The following SPTBN1 variants were observed in gnomAD, a reference collection of about 807,000 sequenced individuals.
The protein encoded by SPTBN1 is spectrin beta chain, non-erythrocytic 1.
In SPTBN1, 32 loss-of-function variants were observed where a neutral mutation model predicts 266.4. The ratio of observed to expected loss-of-function variants is 0.12; its 90% confidence interval spans 0.09 to 0.16. The LOEUF is 0.16. SPTBN1 is among the 10% of genes least tolerant of loss of function. SPTBN1 has a pLI of 1.00. For synonymous variants in SPTBN1, 1,336 were observed against 1,162.2 expected (o/e 1.15, Z -3.04); for missense variants, 2,296 against 3,067.1 (o/e 0.75, Z 5.94).
chr2:54,579,962 G>C (rs994161709), intron 2 of SPTBN1, among the ~76,000 whole-genome samples: 1 of 152,200 alleles, frequency 6.6e-6, no homozygotes, highest in African/African-American at 2.4e-5. Flanking sequence ...AAAGCTGCTG[G>C]TGAGAACGGC....
chr2:54,578,170 T>C (rs544794875), intron 2 of SPTBN1, among the ~76,000 whole-genome samples: 7 of 152,322 alleles, frequency 4.6e-5, no homozygotes, highest in Admixed American at 3.9e-4. Context: ...GGCACTGAAG[T>C]AGAATCTTGG....
intron 1 of SPTBN1, among the ~76,000 whole-genome samples, chr2:54,484,845 C>A (rs1668271823): frequency 6.6e-6 from 1 of 151,836 alleles, no homozygotes; most frequent in African/African-American, 2.4e-5. Flanking sequence ...CGTTTAGCTT[C>A]AAAAATGACA....
chr2:54,644,179 T>C, intron 19 of SPTBN1, 144 bp from the exon 20 acceptor site: 1 of 1,023,170 alleles, frequency 9.8e-7, no homozygotes, highest in South Asian at 1.7e-5. Context: ...TTGATTTTAT[T>C]GAGCAGTAAC....
rs1214197753 is a variant in SPTBN1 at position 54,535,100 on chromosome 2, GAATT to G, written c.148+8537_148+8540del. 2.0e-5 allele frequency: 3 copies of G among 152,158 alleles called. No individual in the cohort carries two copies. The East Asian group carries it at 5.8e-4, about 29-fold the overall frequency. 9.4% of individuals were successfully genotyped at this position (152,158 alleles called of 1,614,324 possible). ...TAGAATTGAGAGTTGATTTATGACT[GAATT>G]AAAGGAATACAATTGCTCTTCATTT... On this transcript the variant is annotated intron_variant, in intron 2 of 35. Transcript: ENST00000356805.
At chr2:54,499,219 G>A (rs1054616289) in intron 1 of SPTBN1, among the ~76,000 whole-genome samples, 1 of 152,066 alleles carries the variant, frequency 6.6e-6, no homozygotes, top group South Asian at 2.1e-4. Context: ...TAGTTTTTTT[G>A]TATTTGTTTT....
chr2:54,460,597 C>T (rs1186532171), intron 1 of SPTBN1, among the ~76,000 whole-genome samples: 1 of 152,204 alleles, frequency 6.6e-6, no homozygotes, highest in Non-Finnish European at 1.5e-5. Flanking sequence ...TGATGTCTGT[C>T]ATCTGATATA....
chr2:54,536,702 TG>T (rs1324964270), intron 2 of SPTBN1, among the ~76,000 whole-genome samples: 1 of 152,208 alleles, frequency 6.6e-6, no homozygotes, highest in Non-Finnish European at 1.5e-5. Flanking sequence ...TTGAGTTCTC[TG>T]AACAACAAAG....
intron 2 of SPTBN1, among the ~76,000 whole-genome samples, chr2:54,556,700 G>A (rs928757289): frequency 6.6e-6 from 1 of 151,846 alleles, no homozygotes; most frequent in Non-Finnish European, 1.5e-5. Flanking sequence ...TGTGTGTGTG[G>A]GCGGGGGGTG....
intron 5 of SPTBN1, 70 bp downstream of exon 5, chr2:54,616,368 G>C (rs1677608478): frequency 7.2e-7 from 1 of 1,380,392 alleles, no homozygotes. Flanking sequence ...TCATCACTTA[G>C]AAGGTGTTGA....
chr2:54,649,608 G>C lies in SPTBN1; in HGVS notation c.5203-7G>C. On this transcript the variant is annotated splice_region_variant and splice_polypyrimidine_tract_variant and intron_variant, in intron 25 of 35. Transcript: ENST00000356805. The surrounding 1 kb of genome is among the most constrained non-coding windows in gnomAD (Gnocchi z 6.7). ...CTCTCTGATTTCCTTACCCATCCCC[G>C]TTTCAGATGTTACAAGAACGATTCC... 2 of 1,603,098 alleles carry C rather than the reference G, an allele frequency of 1.2e-6. No homozygotes were observed. The highest frequency in any genetic ancestry group is 1.7e-6 in the Non-Finnish European group (2 of 1,170,666).
At chr2:54,518,819 G>A (rs1670264019) in intron 1 of SPTBN1, among the ~76,000 whole-genome samples, 1 of 152,148 alleles carries the variant, frequency 6.6e-6, no homozygotes, top group Non-Finnish European at 1.5e-5. Flanking sequence ...GTATATGGGT[G>A]TGTGCATATG....
chr2:54,459,309 T>G (rs1038537139), intron 1 of SPTBN1, among the ~76,000 whole-genome samples: 1 of 152,234 alleles, frequency 6.6e-6, no homozygotes, highest in Non-Finnish European at 1.5e-5. Context: ...GCAAGACTAG[T>G]AACAACTATC....
intron 6 of SPTBN1, 98 bp downstream of exon 6, chr2:54,617,786 G>C (rs901733703): frequency 5.9e-6 from 7 of 1,190,798 alleles, no homozygotes; most frequent in East Asian, 2.4e-5. Flanking sequence ...TGGCTTAACT[G>C]TCTCACCGTG....
intron 18 of SPTBN1, 146 bp downstream of exon 18, chr2:54,637,949 C>T (rs967649454): frequency 4.7e-6 from 3 of 639,718 alleles, no homozygotes; most frequent in African/African-American, 3.7e-5. Flanking sequence ...GGATACGTGG[C>T]ACTTCATCAG....
intron 1 of SPTBN1, among the ~76,000 whole-genome samples, chr2:54,473,307 A>T (rs933370703): frequency 3.9e-5 from 6 of 152,240 alleles, no homozygotes; most frequent in African/African-American, 1.4e-4. Context: ...TGTTTTTATA[A>T]CATAGAAAAA....
intron 27 of SPTBN1, among the ~76,000 whole-genome samples, chr2:54,654,330 C>T (rs556442690): frequency 6.6e-6 from 1 of 152,180 alleles, no homozygotes; most frequent in South Asian, 2.1e-4. Context: ...AATATGGTGT[C>T]CTTGGGTTAT....
chr2:54,558,914 T>C lies in SPTBN1; in HGVS notation c.148+32348T>C. The C allele has an allele frequency of 6.2e-7, 1 of 1,602,942 alleles. No homozygotes were observed. On this transcript the variant is annotated intron_variant, in intron 2 of 35. Coordinates refer to ENST00000356805, the MANE Select transcript of SPTBN1 (RefSeq NM_003128.3). This position sits in a 1 kb window ranked among gnomAD's most constrained non-coding sequence, Gnocchi z 4.6. ...TAAGCCCCCTCCCAAAGGCCGGGCC[T>C]GTCCTGGGTGCCAACGGGGGTTCTT...
Position 54,622,361 on chromosome 2 carries a change from A to T in SPTBN1, c.938A>T (p.Asp313Val). Residue 313 changes from aspartate to valine, a missense_variant, in exon 9 of 36, where the codon GAC (aspartate) becomes GTC (valine). Coordinates refer to ENST00000356805, the MANE Select transcript of SPTBN1 (RefSeq NM_003128.3). ...MIEKYESLASDLLEWIEQTII... is the reference protein window; with the variant it reads ...MIEKYESLASVLLEWIEQTII... ...GAAAAGTATGAATCACTTGCCTCTG[A>T]CCTTCTGGAATGGATTGAACAAACC... The T allele has an allele frequency of 6.2e-7, 1 of 1,614,202 alleles. No homozygotes were observed. Among genetic ancestry groups the T allele is most frequent in the Non-Finnish European group, 8.5e-7 (1 of 1,180,024 alleles).
chr2:54,458,844 G>A (rs960160876), intron 1 of SPTBN1, among the ~76,000 whole-genome samples: 4 of 152,208 alleles, frequency 2.6e-5, no homozygotes, highest in Non-Finnish European at 5.9e-5. Flanking sequence ...ACAAGCCAAG[G>A]GCGTGCCTGC....
Sources: gnomAD v4.1 joint callset for allele counts (sites outside exome capture counted in the v4.1 genomes callset) on GRCh38, gnomAD v4.1.1 for gene constraint, Gnocchi (gnomAD v3.1) non-coding constraint, MANE v1.5 for transcripts, NCBI Gene and HGNC (gene_info 2026-07-23, HGNC 2026-07-21) for gene names.